Variants in MAPKAP1 observed in about 807,000 individuals in gnomAD.
MAPKAP1 encodes the protein MAPK associated protein 1, also known as target of rapamycin complex 2 subunit MAPKAP1.
MAPKAP1 carries 20 observed loss-of-function variants against 65.7 expected under a neutral mutation model. The ratio of observed to expected loss-of-function variants is 0.30; its 90% CI spans 0.21 to 0.44. The LOEUF is 0.44. MAPKAP1 is among the 20% of genes least tolerant of loss of function. The pLI is 1.00. For missense variants in MAPKAP1, 423 were observed against 648.0 expected (o/e 0.65, Z 3.77); for synonymous variants, 222 against 244.3 (o/e 0.91, Z 0.85).
intron 4 of MAPKAP1, among the ~76,000 whole-genome samples, chr9:125,612,356 C>T (rs763314667): frequency 1.6e-4 from 24 of 152,128 alleles, no homozygotes; most frequent in African/African-American, 1.2e-4. Flanking sequence ...CCATGCTCAA[C>T]GAATTTCAAA....
intron 1 of MAPKAP1, among the ~76,000 whole-genome samples, chr9:125,677,068 C>T (rs1289792700): frequency 1.3e-5 from 2 of 152,204 alleles, no homozygotes; most frequent in East Asian, 3.8e-4. Context: ...TGCTATTCTA[C>T]ACTTTCACAA....
At chr9:125,689,388 G>A (rs1324878057) in intron 1 of MAPKAP1, among the ~76,000 whole-genome samples, 1 of 131,218 alleles carries the variant, frequency 7.6e-6, no homozygotes, top group Non-Finnish European at 1.5e-5. Flanking sequence ...AGTGAGCCGA[G>A]ATCGCCACTG....
At chr9:125,484,824 T>TA (rs528428521) in intron 8 of MAPKAP1, among the ~76,000 whole-genome samples, 40 of 152,208 alleles carry the variant, frequency 2.6e-4, no homozygotes, top group Middle Eastern at 6.8e-3. Context: ...GATGCAAGGA[T>TA]AAAAAAATTC....
At chr9:125,629,740 G>A (rs186420809) in intron 4 of MAPKAP1, among the ~76,000 whole-genome samples, 12 of 152,146 alleles carry the variant, frequency 7.9e-5, no homozygotes, top group Admixed American at 3.9e-4. Flanking sequence ...TGGTTAAGAT[G>A]GTAAATTTTA....
chr9:125,555,427 C>A lies in MAPKAP1; in HGVS notation c.848+4206G>T, dbSNP rs543073280. Among the ~76,000 whole-genome samples the A allele has an allele frequency of 2.8e-4, 42 of 152,332 alleles. 1 individual carries two copies. The South Asian group carries it at 4.1e-3, about 15-fold the overall frequency. ...AAGCTGAAACATGAACCCAGGTTTG[C>A]CTAAATTCAAAGTCTGTGCTGCCGC... On this transcript the variant is annotated intron_variant, in intron 6 of 11. Transcript: ENST00000265960.
intron 4 of MAPKAP1, chr9:125,651,998 C>A: frequency 4.6e-6 from 3 of 645,772 alleles, no homozygotes; most frequent in Non-Finnish European, 6.2e-6. Context: ...CAGAAGCAAA[C>A]GTAGTTTAAC....
At chr9:125,659,149 A>G (rs986441515) in intron 3 of MAPKAP1, among the ~76,000 whole-genome samples, 1 of 152,200 alleles carries the variant, frequency 6.6e-6, no homozygotes, top group Non-Finnish European at 1.5e-5. Context: ...CCTGTAATCT[A>G]TTACCACTTT....
intron 10 of MAPKAP1, chr9:125,451,014 A>C (rs1589199252): frequency 6.6e-6 from 1 of 152,062 alleles, no homozygotes; most frequent in Admixed American, 6.5e-5. Context: ...CATAGTAATG[A>C]CCTCTTTGAC....
chr9:125,481,973 T>C (rs1050926560), intron 9 of MAPKAP1, among the ~76,000 whole-genome samples: 3 of 150,628 alleles, frequency 2.0e-5, no homozygotes, highest in East Asian at 2.0e-4. Context: ...CTACTAAAAA[T>C]ACAAAAACAT....
intron 8 of MAPKAP1, among the ~76,000 whole-genome samples, chr9:125,499,165 C>A (rs947607359): frequency 2.0e-5 from 3 of 152,206 alleles, no homozygotes; most frequent in Non-Finnish European, 4.4e-5. Flanking sequence ...ATTGACAGCA[C>A]ATTCTCTTTA....
intron 6 of MAPKAP1, among the ~76,000 whole-genome samples, chr9:125,550,703 G>A (rs553094275): frequency 1.5e-4 from 23 of 152,148 alleles, no homozygotes; most frequent in Non-Finnish European, 2.5e-4. Context: ...AGTAGCTGTT[G>A]CCAAAAAGGA....
At chr9:125,536,173 A>G (rs1830067925) in intron 7 of MAPKAP1, among the ~76,000 whole-genome samples, 1 of 152,186 alleles carries the variant, frequency 6.6e-6, no homozygotes, top group Non-Finnish European at 1.5e-5. Context: ...CTAAATTTCC[A>G]GGCTTTCTAG....
At chr9:125,507,863 A>T (rs10986782) in intron 7 of MAPKAP1, among the ~76,000 whole-genome samples, 33,245 of 152,004 alleles carry the variant, frequency 0.22, 4,246 homozygotes, top group East Asian at 0.4. Context: ...ATTTTTTTTT[A>T]AAATTCTAAT....
At chr9:125,515,185 G>C (rs1386496554) in intron 7 of MAPKAP1, among the ~76,000 whole-genome samples, 1 of 152,080 alleles carries the variant, frequency 6.6e-6, no homozygotes, top group Non-Finnish European at 1.5e-5. Context: ...TGAAACAGCT[G>C]AATATAATCA....
At chr9:125,570,670 G>C (rs1831201395) in intron 5 of MAPKAP1, among the ~76,000 whole-genome samples, 1 of 151,286 alleles carries the variant, frequency 6.6e-6, no homozygotes, top group South Asian at 2.1e-4. Context: ...ATTTGTTTTT[G>C]GTGAAAGATT....
chr9:125,627,926 A>G (rs2131677516), intron 4 of MAPKAP1, among the ~76,000 whole-genome samples: 1 of 152,332 alleles, frequency 6.6e-6, no homozygotes, highest in South Asian at 2.1e-4. Flanking sequence ...AGTTACATAC[A>G]AACTGAAGCA....
At chr9:125,652,940 ACT>A (rs1169866222) in intron 4 of MAPKAP1, among the ~76,000 whole-genome samples, 3 of 152,042 alleles carry the variant, frequency 2.0e-5, no homozygotes, top group African/African-American at 7.2e-5. Flanking sequence ...ATTCCCTCTC[ACT>A]CAATCCTGTC....
intron 1 of MAPKAP1, among the ~76,000 whole-genome samples, chr9:125,697,213 G>A (rs1233269993): frequency 2.0e-5 from 3 of 152,178 alleles, no homozygotes; most frequent in Non-Finnish European, 4.4e-5. Flanking sequence ...AATAAAAGAG[G>A]TGAAAACTAA....
At position 125,457,544 on chromosome 9, in the gene MAPKAP1, C is replaced by T. The variant is rs373422440; in HGVS notation, c.1345+10428G>A. Reference sequence around the variant, plus strand: ...CTTTGCATGTCTAGTAATTTTTAAGCGAATGCTGGACACTATCAATATTAC... The same window carrying T: ...CTTTGCATGTCTAGTAATTTTTAAGTGAATGCTGGACACTATCAATATTAC... On this transcript the variant is annotated intron_variant, in intron 10 of 11. Coordinates refer to ENST00000265960, the MANE Select transcript of MAPKAP1 (RefSeq NM_001006617.3). Among the ~76,000 whole-genome samples, 23 of 152,274 alleles carry T rather than the reference C, an allele frequency of 1.5e-4. No homozygotes were observed. The South Asian group carries it at 2.7e-3, about 18-fold the overall frequency.
Sources: gnomAD v4.1 joint callset for allele counts (sites outside exome capture counted in the v4.1 genomes callset) on GRCh38, gnomAD v4.1.1 for gene constraint, MANE v1.5 for transcripts, NCBI Gene and HGNC (gene_info 2026-07-23, HGNC 2026-07-21) for gene names.